The following CDH6 variants were observed in gnomAD, a reference collection of about 807,000 sequenced individuals.
CDH6 encodes the protein cadherin-6.
Under a neutral mutation model 78.0 loss-of-function variants are expected in CDH6, and 31 were observed. That is an observed-to-expected ratio of 0.40 (90% CI 0.30 to 0.54). CDH6 has a LOEUF of 0.54. CDH6 is among the 20% of genes least tolerant of loss of function. The probability of loss-of-function intolerance (pLI) is 0.56; values close to 1 mark genes in which losing one functional copy is unlikely to be tolerated. For missense variants in CDH6, 724 were observed against 975.9 expected (o/e 0.74, Z 3.44); for synonymous variants, 376 against 368.8 (o/e 1.02, Z -0.23).
At chr5:31,255,261 T>C (rs894211696) in intron 1 of CDH6, among the ~76,000 whole-genome samples, 3 of 152,258 alleles carry the variant, frequency 2.0e-5, no homozygotes, top group African/African-American at 4.8e-5. Flanking sequence ...TTGTTTATAA[T>C]TACACAAGCG....
At chr5:31,197,150 G>GT (rs1200982590) in intron 1 of CDH6, among the ~76,000 whole-genome samples, 1 of 152,012 alleles carries the variant, frequency 6.6e-6, no homozygotes, top group Non-Finnish European at 1.5e-5. Context: ...CTTACTCCAG[G>GT]TTTTTTCTGT....
rs1022421171 is a variant in CDH6, at chr5:31,317,880, C to G, written c.1838C>G (p.Thr613Arg). ...EALIHPTGLS[T>R]GALVAILLCI... ...CTCATCCACCCCACGGGACTGAGCACGGGGGCTCTGGTTGCCATCCTTCTG... is the reference window on the plus strand; with the variant it reads ...CTCATCCACCCCACGGGACTGAGCAGGGGGGCTCTGGTTGCCATCCTTCTG... Residue 613 changes from threonine (T) to arginine (R), a missense_variant, in exon 11 of 12, where the codon ACG becomes AGG. Around this residue, in one of 3 missense-constraint regions of CDH6, gnomAD observed 220 missense variants for 240.6 expected, o/e 0.91. Transcript: ENST00000265071. The G allele has an allele frequency of 6.2e-7, 1 of 1,613,978 alleles. No individual in the cohort carries two copies. The highest frequency in any genetic ancestry group is 1.3e-5 in the African/African-American group (1 of 75,050).
Position 31,317,741 on chromosome 5 carries a change from C to T in CDH6, c.1699C>T (p.Pro567Ser). 4 of 1,614,166 alleles carry T rather than the reference C, an allele frequency of 2.5e-6. No homozygotes were observed. The highest frequency in any genetic ancestry group is 2.5e-6 in the Non-Finnish European group (3 of 1,180,010). Residue 567 changes from proline to serine, a missense_variant, in exon 11 of 12, where the codon CCT becomes TCT. By Grantham distance (74) the Pro-to-Ser change is moderately conservative (BLOSUM62 -1). Transcript: ENST00000265071. ...NRHEMSTYLL[P>S]VVISDNDYPV... ...ACACGAGATGAGCACCTATCTCTTG[C>T]CTGTGGTCATTTCAGACAACGACTA...
chr5:31,248,591 G>A (rs577992018), intron 1 of CDH6, among the ~76,000 whole-genome samples: 5 of 152,232 alleles, frequency 3.3e-5, no homozygotes, highest in African/African-American at 1.2e-4. Flanking sequence ...ATTAAATCTT[G>A]TATAGGTAGA....
At chr5:31,233,321 A>G (rs1478927653) in intron 1 of CDH6, among the ~76,000 whole-genome samples, 1 of 147,768 alleles carries the variant, frequency 6.8e-6, no homozygotes, top group Non-Finnish European at 1.5e-5. Context: ...AACCTGGGCA[A>G]CATGGCAATG....
chr5:31,273,068 T>C (rs939032950), intron 2 of CDH6, among the ~76,000 whole-genome samples: 1 of 152,112 alleles, frequency 6.6e-6, no homozygotes, highest in African/African-American at 2.4e-5. Flanking sequence ...TAACGGACCA[T>C]AAAAATAAAA....
At chr5:31,305,516 C>T (rs1034261054) in intron 7 of CDH6, 89 bp downstream of exon 7, 3 of 1,363,970 alleles carry the variant, frequency 2.2e-6, no homozygotes, top group Non-Finnish European at 3.0e-6. Flanking sequence ...AGATGAATCC[C>T]TTTTGTTCCA....
intron 8 of CDH6, 55 bp from the exon 9 acceptor site, chr5:31,316,153 G>A (rs1263835469): frequency 5.7e-6 from 9 of 1,568,742 alleles, no homozygotes; most frequent in Non-Finnish European, 7.8e-6. Flanking sequence ...GTTGTCTAAA[G>A]GGAATCGGCA....
At chr5:31,218,321 G>A (rs910734118) in intron 1 of CDH6, among the ~76,000 whole-genome samples, 1 of 152,072 alleles carries the variant, frequency 6.6e-6, no homozygotes, top group Non-Finnish European at 1.5e-5. Context: ...CCTGAAAGAG[G>A]TTTATCTCAC....
intron 1 of CDH6, chr5:31,251,920 T>C (rs1206795521): frequency 6.6e-6 from 1 of 152,198 alleles, no homozygotes; most frequent in Non-Finnish European, 1.5e-5. Context: ...TTATAAAAAA[T>C]TCCAGGCCAA....
chr5:31,315,264 C>G (rs901477546), intron 8 of CDH6, among the ~76,000 whole-genome samples: 8 of 152,130 alleles, frequency 5.3e-5, no homozygotes, highest in South Asian at 4.1e-4. Context: ...TTGTCCATCC[C>G]CATTACAATA....
chr5:31,202,915 G>A (rs974330662), intron 1 of CDH6, among the ~76,000 whole-genome samples: 2 of 151,662 alleles, frequency 1.3e-5, no homozygotes, highest in African/African-American at 4.8e-5. Context: ...GCTCCCCTTA[G>A]CAACAGTTTC....
At chr5:31,313,226 TATG>T (rs1474399615) in intron 7 of CDH6, 89 bp from the exon 8 acceptor site, 6 of 1,129,916 alleles carry the variant, frequency 5.3e-6, no homozygotes, top group African/African-American at 4.6e-5. Context: ...TACTCTGGGA[TATG>T]ATGTGTACCA....
In CDH6 at chr5:31,214,454, C is replaced by T. The variant is rs548174725; in HGVS notation, c.-129+20568C>T. 2.0e-5 allele frequency among the ~76,000 whole-genome samples: 3 copies of T among 152,176 alleles called. No homozygotes were observed. In the East Asian group the frequency reaches 5.8e-4, roughly 29 times the overall value. On this transcript the variant is annotated intron_variant, in intron 1 of 11. Coordinates refer to ENST00000265071, the MANE Select transcript of CDH6 (RefSeq NM_004932.4). ...GGTGGTTGCACAATCAGATCTGTGT[C>T]GCATATTGAATATAGGTCAAAGGAT... is the stretch of plus-strand genomic sequence containing the variant.
chr5:31,205,436 G>T (rs554710088), intron 1 of CDH6, among the ~76,000 whole-genome samples: 1 of 152,258 alleles, frequency 6.6e-6, no homozygotes, highest in Admixed American at 6.5e-5. Flanking sequence ...CTCCAGGCAG[G>T]CGTTTTATTA....
At position 31,302,226 on chromosome 5, in the gene CDH6, C is replaced by T. The variant is rs149429954; in HGVS notation, c.927C>T (p.Asp309=). The part of the protein sequence containing the change: ...ENAEIEYSIT[D]GEGLDMFDVI... ...CTGAAATTGAGTACAGCATCACAGA[C>T]GGTGAGGGGCTGGATATGTTTGATG... is the stretch of plus-strand genomic sequence containing the variant. The change falls in exon 6 of 12, where the codon GAC becomes GAT. Residue 309 remains aspartate, a synonymous_variant. Transcript: ENST00000265071. The T allele has an allele frequency of 4.1e-5, 66 of 1,613,958 alleles. No homozygotes were observed. Among genetic ancestry groups the T allele is most frequent in the African/African-American group, 3.3e-4 (25 of 75,026 alleles).
chr5:31,261,888 A>G (rs1742221054), intron 1 of CDH6, among the ~76,000 whole-genome samples: 1 of 152,224 alleles, frequency 6.6e-6, no homozygotes, highest in African/African-American at 2.4e-5. Flanking sequence ...ACTGCTATCA[A>G]ACATGTCACC....
chr5:31,197,162 T>C (rs1253778499), intron 1 of CDH6, among the ~76,000 whole-genome samples: 2 of 152,208 alleles, frequency 1.3e-5, no homozygotes, highest in African/African-American at 4.8e-5. Flanking sequence ...TTTTTCTGTT[T>C]CATTTCTTTC....
intron 2 of CDH6, among the ~76,000 whole-genome samples, chr5:31,277,459 C>T (rs931835632): frequency 6.6e-6 from 1 of 152,102 alleles, no homozygotes; most frequent in Non-Finnish European, 1.5e-5. Flanking sequence ...GGATTAATAT[C>T]GTAATCTCCT....
Sources: gnomAD v4.1 joint callset for allele counts (sites outside exome capture counted in the v4.1 genomes callset) on GRCh38, gnomAD v4.1.1 for gene constraint, gnomAD v4.1.1 regional missense constraint, MANE v1.5 for transcripts, NCBI Gene and HGNC (gene_info 2026-07-23, HGNC 2026-07-21) for gene names.